Variants in ARMC2 observed in about 807,000 individuals in gnomAD.
The protein encoded by ARMC2 is armadillo repeat containing 2, also known as armadillo repeat-containing protein 2.
ARMC2 carries 67 observed loss-of-function variants against 90.3 expected under a neutral mutation model. The observed-to-expected ratio is 0.74, with a 90% CI of 0.61 to 0.91. ARMC2 has a LOEUF of 0.91. ARMC2 is among the 40% of genes least tolerant of loss of function. ARMC2 has a pLI of 0.00. For missense variants in ARMC2, 920 were observed against 1,030.9 expected (o/e 0.89, Z 1.47); for synonymous variants, 393 against 393.0 (o/e 1.00, Z 0.00).
At chr6:108,906,805 G>C (rs561293905) in intron 8 of ARMC2, among the ~76,000 whole-genome samples, 1 of 152,112 alleles carries the variant, frequency 6.6e-6, no homozygotes, top group Admixed American at 6.5e-5. Flanking sequence ...CTTGACACTG[G>C]GAATACAAGT....
At chr6:108,993,964 C>T in the ARMC2 span, among the ~76,000 whole-genome samples, 1 of 151,138 alleles carries the variant, frequency 6.6e-6, no homozygotes, top group Non-Finnish European at 1.5e-5. Context: ...ATAGCAAGAC[C>T]CCATCTCTAC....
chr6:108,886,502 T>G (rs1184520144), intron 5 of ARMC2, among the ~76,000 whole-genome samples: 2 of 151,916 alleles, frequency 1.3e-5, no homozygotes, highest in East Asian at 3.9e-4. Flanking sequence ...GCCTGGGAGG[T>G]GGAGGTTGCA....
At chr6:108,908,616 C>T (rs1773059489) in intron 8 of ARMC2, among the ~76,000 whole-genome samples, 1 of 152,038 alleles carries the variant, frequency 6.6e-6, no homozygotes, top group Non-Finnish European at 1.5e-5. Context: ...GGCATGGTGG[C>T]ACATGCCTAT....
At chr6:109,014,156 T>C in the ARMC2 span, among the ~76,000 whole-genome samples, 1 of 152,176 alleles carries the variant, frequency 6.6e-6, no homozygotes, top group South Asian at 2.1e-4. Flanking sequence ...TTTAGAAATA[T>C]GAGGCATCAC....
At chr6:108,995,603 T>C in the ARMC2 span, among the ~76,000 whole-genome samples, 2 of 152,216 alleles carry the variant, frequency 1.3e-5, no homozygotes, top group Non-Finnish European at 2.9e-5. Context: ...AATTTATACC[T>C]TTCTTATAAA....
rs202206680 is a variant in ARMC2, at chr6:108,953,369, C to T, written c.1915+18C>T. On this transcript the variant is annotated intron_variant, in intron 13 of 17. Coordinates refer to ENST00000392644, the MANE Select transcript of ARMC2 (RefSeq NM_032131.6). ...CACGCTGGGTGAGAACCGCAGCCCA[C>T]TGGCTGCAGCAGACACAACCAACTT... is the stretch of plus-strand genomic sequence containing the variant. The T allele has an allele frequency of 1.3e-6, 2 of 1,578,414 alleles. No homozygotes were observed. Among genetic ancestry groups the T allele is most frequent in the African/African-American group, 2.7e-5 (2 of 74,328 alleles).
intron 5 of ARMC2, among the ~76,000 whole-genome samples, chr6:108,893,316 A>G (rs1054178929): frequency 6.6e-6 from 1 of 152,166 alleles, no homozygotes; most frequent in Non-Finnish European, 1.5e-5. Context: ...TATTAATTTA[A>G]TTTTAAAAAT....
At chr6:108,992,699 T>C in the ARMC2 span, 14 of 816,256 alleles carry the variant, frequency 1.7e-5, no homozygotes, top group African/African-American at 1.2e-4. Context: ...GCACTTAGCA[T>C]AGTTCTCAAA....
chr6:109,013,195 T>C, the ARMC2 span, among the ~76,000 whole-genome samples: 1 of 152,116 alleles, frequency 6.6e-6, no homozygotes, highest in Admixed American at 6.5e-5. Flanking sequence ...TTACTGAAAG[T>C]TGTAAACTGT....
At chr6:109,019,904 A>C in the ARMC2 span, among the ~76,000 whole-genome samples, 1 of 152,246 alleles carries the variant, frequency 6.6e-6, no homozygotes, top group Non-Finnish European at 1.5e-5. Flanking sequence ...AATACGCATT[A>C]AAATGTCACA....
chr6:108,982,668 G>A, the ARMC2 span, among the ~76,000 whole-genome samples: 1 of 152,138 alleles, frequency 6.6e-6, no homozygotes, highest in Non-Finnish European at 1.5e-5. Flanking sequence ...TAGCCACCCT[G>A]ATGAGTGTGA....
chr6:108,945,840 C>T (rs976225780), intron 12 of ARMC2, among the ~76,000 whole-genome samples: 5 of 152,246 alleles, frequency 3.3e-5, no homozygotes, highest in South Asian at 4.1e-4. Flanking sequence ...TTCTCTTCCC[C>T]GCTATCCTCT....
chr6:108,980,976 G>A, the ARMC2 span, among the ~76,000 whole-genome samples: 26 of 152,188 alleles, frequency 1.7e-4, no homozygotes. Flanking sequence ...CATACCTGAT[G>A]TGGCTCAGCA....
At chr6:109,027,227 C>T in the ARMC2 span, among the ~76,000 whole-genome samples, 19 of 151,870 alleles carry the variant, frequency 1.3e-4, no homozygotes, top group East Asian at 5.8e-4. Context: ...AATCCCAGCA[C>T]TTTGGGTGGC....
chr6:108,937,526 C>A (rs1776051068), intron 12 of ARMC2, among the ~76,000 whole-genome samples: 1 of 152,012 alleles, frequency 6.6e-6, no homozygotes, highest in South Asian at 2.1e-4. Flanking sequence ...AATTCTTTGA[C>A]CCCATTGTTA....
chr6:108,951,129 A>T (rs1409024703), intron 12 of ARMC2, among the ~76,000 whole-genome samples: 2 of 152,224 alleles, frequency 1.3e-5, no homozygotes, highest in Non-Finnish European at 2.9e-5. Context: ...GGATGTACAG[A>T]GAGGCCAAGC....
chr6:109,042,542 A>C, the ARMC2 span, among the ~76,000 whole-genome samples: 2 of 151,654 alleles, frequency 1.3e-5, no homozygotes, highest in African/African-American at 4.8e-5. Flanking sequence ...AAAAAAAAAA[A>C]ACAAACCTGC....
chr6:108,951,070 A>T (rs1324173866), intron 12 of ARMC2, among the ~76,000 whole-genome samples: 1 of 152,214 alleles, frequency 6.6e-6, no homozygotes, highest in African/African-American at 2.4e-5. Context: ...GTTGTATCTC[A>T]TGTGATCTCA....
At chr6:108,926,204 T>G (rs1775088852) in intron 10 of ARMC2, among the ~76,000 whole-genome samples, 1 of 152,136 alleles carries the variant, frequency 6.6e-6, no homozygotes, top group Non-Finnish European at 1.5e-5. Context: ...GAATGGGTAT[T>G]TCATGGTTTC....
Sources: allele counts gnomAD v4.1 joint callset (sites outside exome capture counted in the v4.1 genomes callset), GRCh38; gene constraint gnomAD v4.1.1; transcripts MANE v1.5; gene names NCBI Gene and HGNC (gene_info 2026-07-23, HGNC 2026-07-21).